FRMD4A: variants seen among roughly 807,000 people sequenced by gnomAD.
FRMD4A encodes the protein FERM domain containing 4A.
FRMD4A carries 29 observed loss-of-function variants against 129.1 expected under a neutral mutation model. That is an observed-to-expected ratio of 0.22 (90% CI 0.17 to 0.31). The LOEUF (loss-of-function observed/expected upper bound fraction) is 0.31, where lower values mean the gene tolerates loss of function less well. Ranked by LOEUF, FRMD4A falls within the 10% of genes least tolerant of loss-of-function variation. The pLI is 1.00. For synonymous variants in FRMD4A, 634 were observed against 571.6 expected, an observed-to-expected ratio of 1.11 and a Z score of -1.56; for missense variants, 1,272 against 1,375.8, an observed-to-expected ratio of 0.92 and a Z score of 1.19.
intron 2 of FRMD4A, among the ~76,000 whole-genome samples, chr10:14,152,099 G>T (rs1057407902): frequency 6.8e-6 from 1 of 146,320 alleles, no homozygotes; most frequent in African/African-American, 2.5e-5. Context: ...AGCCAAAGCA[G>T]GATATGTTTG....
intron 2 of FRMD4A, among the ~76,000 whole-genome samples, chr10:14,327,387 C>G (rs984496605): frequency 1.3e-5 from 2 of 152,226 alleles, no homozygotes; most frequent in African/African-American, 4.8e-5. Flanking sequence ...CCTGGAACTT[C>G]ATCTGTACAC....
intron 15 of FRMD4A, among the ~76,000 whole-genome samples, chr10:13,679,613 T>C (rs1390476748): frequency 2.0e-5 from 3 of 150,806 alleles, no homozygotes; most frequent in Admixed American, 1.3e-4. Context: ...GCTATTCTTA[T>C]CCTATTCCAC....
chr10:14,125,193 T>C (rs1483292731), intron 2 of FRMD4A, among the ~76,000 whole-genome samples: 1 of 152,206 alleles, frequency 6.6e-6, no homozygotes, highest in African/African-American at 2.4e-5. Context: ...ACTATGCTCT[T>C]CTCTGATTGA....
chr10:13,902,323 T>C (rs2094829108), intron 2 of FRMD4A, among the ~76,000 whole-genome samples: 1 of 152,196 alleles, frequency 6.6e-6, no homozygotes, highest in African/African-American at 2.4e-5. Context: ...CCTAGGCTTA[T>C]TTGTTGAGAT....
At chr10:14,087,665 A>C in intron 2 of FRMD4A, 1 of 152,186 alleles carries the variant, frequency 6.6e-6, no homozygotes, top group East Asian at 1.9e-4. Flanking sequence ...TGGAACAAAC[A>C]TCAGCCCTGA....
intron 2 of FRMD4A, among the ~76,000 whole-genome samples, chr10:14,073,726 T>C (rs1377928228): frequency 6.6e-6 from 1 of 152,152 alleles, no homozygotes; most frequent in Non-Finnish European, 1.5e-5. Context: ...GGGATCCTGT[T>C]GTGACCTACC....
rs35006642 is a variant in FRMD4A at position 13,809,519 on chromosome 10, TA to T, written c.206+1294del. Among the ~76,000 whole-genome samples the T allele has an allele frequency of 7.2e-5, 11 of 152,062 alleles. No individual in the cohort carries two copies. In the East Asian group the frequency reaches 2.1e-3, roughly 29 times the overall value. ...ACATGTGCATTTGTTTAAAAGCTTT[TA>T]AAAAAATTGCAGTGCTGGGTCCTTC... On this transcript the variant is annotated intron_variant, in intron 4 of 24. Transcript: ENST00000357447.
At position 13,887,701 on chromosome 10, in the gene FRMD4A, C is replaced by T. The variant is rs184563541; in HGVS notation, c.46-28789G>A. 1.1e-3 allele frequency among the ~76,000 whole-genome samples: 170 copies of T among 152,200 alleles called. 1 individual carries two copies. The highest frequency in any genetic ancestry group is 3.5e-3 in the African/African-American group (144 of 41,540). On this transcript the variant is annotated intron_variant, in intron 2 of 24. Coordinates refer to ENST00000357447, the MANE Select transcript of FRMD4A (RefSeq NM_018027.5). ...AAAACAAAAAACAAACATAACTGAA[C>T]GCACACACACACTCATTAGCCCCCC...
chr10:14,060,983 C>G (rs1834781521), intron 2 of FRMD4A, among the ~76,000 whole-genome samples: 1 of 151,842 alleles, frequency 6.6e-6, no homozygotes, highest in Admixed American at 6.6e-5. Context: ...ATAAGATTTC[C>G]TTTTCCTAAT....
chr10:13,975,543 T>C (rs896325035), intron 2 of FRMD4A, among the ~76,000 whole-genome samples: 16 of 151,930 alleles, frequency 1.1e-4, no homozygotes, highest in Non-Finnish European at 1.8e-4. Flanking sequence ...TTTGTGTGGG[T>C]CATTGTGTAT....
chr10:14,213,691 T>C (rs1215104967), intron 2 of FRMD4A, among the ~76,000 whole-genome samples: 1 of 152,182 alleles, frequency 6.6e-6, no homozygotes. Flanking sequence ...CCACCCTCAA[T>C]TGGAGAGTCT....
chr10:13,818,886 G>A (rs551663970), intron 3 of FRMD4A, among the ~76,000 whole-genome samples: 1 of 152,302 alleles, frequency 6.6e-6, no homozygotes, highest in South Asian at 2.1e-4. Flanking sequence ...AGGACTTTGG[G>A]AAGCCGAGGT....
At chr10:13,809,931 G>A (rs556569523) in intron 4 of FRMD4A, among the ~76,000 whole-genome samples, 8 of 152,336 alleles carry the variant, frequency 5.3e-5, no homozygotes, top group African/African-American at 1.7e-4. Flanking sequence ...ACTGGCCCAT[G>A]TGGATGCCCA....
At chr10:14,048,083 G>A (rs936173336) in intron 2 of FRMD4A, among the ~76,000 whole-genome samples, 2 of 152,206 alleles carry the variant, frequency 1.3e-5, no homozygotes, top group African/African-American at 2.4e-5. Flanking sequence ...GGAGGCGGTA[G>A]AGATCTTGTG....
intron 2 of FRMD4A, among the ~76,000 whole-genome samples, chr10:14,113,558 TG>T (rs1564303991): frequency 6.6e-6 from 1 of 152,188 alleles, no homozygotes; most frequent in African/African-American, 2.4e-5. Context: ...AGTTAAATTC[TG>T]GGGGACTCAG....
At chr10:13,819,955 C>T (rs950206209) in intron 3 of FRMD4A, among the ~76,000 whole-genome samples, 4 of 152,172 alleles carry the variant, frequency 2.6e-5, no homozygotes, top group Non-Finnish European at 4.4e-5. Flanking sequence ...AACTCCTGAG[C>T]GCAAGGGATC....
In FRMD4A at chr10:14,310,237, G is replaced by A. The variant is rs550550181; in HGVS notation, c.45+19821C>T. On this transcript the variant is annotated intron_variant, in intron 2 of 24. Coordinates refer to ENST00000357447, the MANE Select transcript of FRMD4A (RefSeq NM_018027.5). ...TTCATTTCTTTACGCACTCAATTTG[G>A]CCTTCACTGGCCTTCAACTTGCCCG... Among the ~76,000 whole-genome samples, 22 of 152,254 alleles carry A rather than the reference G, an allele frequency of 1.4e-4. No homozygotes were observed. In the South Asian group the frequency reaches 4.2e-3, roughly 29 times the overall value.
intron 2 of FRMD4A, among the ~76,000 whole-genome samples, chr10:14,008,858 C>CGGGT (rs1489194964): frequency 1.3e-5 from 2 of 152,018 alleles, no homozygotes; most frequent in Admixed American, 1.3e-4. Flanking sequence ...AATAAACGCA[C>CGGGT]GGGTATTACT....
intron 2 of FRMD4A, among the ~76,000 whole-genome samples, chr10:14,161,366 C>T (rs537644614): frequency 1.3e-5 from 2 of 152,200 alleles, no homozygotes; most frequent in South Asian, 4.1e-4. Context: ...GATACCTGCA[C>T]CCCCATGTTT....
Sources: gnomAD v4.1 joint callset for allele counts (sites outside exome capture counted in the v4.1 genomes callset) on GRCh38, gnomAD v4.1.1 for gene constraint, MANE v1.5 for transcripts, NCBI Gene and HGNC (gene_info 2026-07-23, HGNC 2026-07-21) for gene names.